The following CNGB3 variants were observed in gnomAD, a reference collection of about 807,000 sequenced individuals.
CNGB3 encodes the protein cyclic nucleotide gated channel subunit beta 3.
In CNGB3, 86 loss-of-function variants were observed where a neutral mutation model predicts 92.8. That is an observed-to-expected ratio of 0.93 (90% confidence interval 0.78 to 1.11). The LOEUF is 1.11. Ranked by LOEUF, CNGB3 falls within the 50% of genes least tolerant of loss-of-function variation. The pLI is 0.00. For missense variants in CNGB3, 1,026 were observed against 956.8 expected, an observed-to-expected ratio of 1.07 and a Z score of -0.95; for synonymous variants, 333 against 332.7, an observed-to-expected ratio of 1.00 and a Z score of -0.01.
intron 3 of CNGB3, among the ~76,000 whole-genome samples, chr8:86,720,587 G>A (rs1824946901): frequency 6.6e-6 from 1 of 152,050 alleles, no homozygotes; most frequent in South Asian, 2.1e-4. Flanking sequence ...AAAACAGTTT[G>A]GAGATTCCTT....
chr8:86,588,929 G>T (rs1019336992), intron 15 of CNGB3, among the ~76,000 whole-genome samples: 15 of 151,782 alleles, frequency 9.9e-5, no homozygotes, highest in African/African-American at 3.4e-4. Context: ...GTTCCTCCTT[G>T]TACCTCTGGT....
chr8:86,604,387 T>G (rs1585964315), intron 14 of CNGB3, among the ~76,000 whole-genome samples, 176 bp from the exon 15 acceptor site: 1 of 152,178 alleles, frequency 6.6e-6, no homozygotes, highest in East Asian at 1.9e-4. Context: ...GTTGAACATA[T>G]CATGTGAAAG....
Position 86,665,206 on chromosome 8 carries a change from C to A in CNGB3, c.852+1719G>T, listed in dbSNP as rs142644711. Reference sequence around the variant, plus strand: ...ATCATCAGAGGAATGCAAATCAAAACCACAATGAGATACCATCTCATACAA... The same window carrying A: ...ATCATCAGAGGAATGCAAATCAAAAACACAATGAGATACCATCTCATACAA... On this transcript the variant is annotated intron_variant, in intron 6 of 17. Coordinates refer to ENST00000320005, the MANE Select transcript of CNGB3 (RefSeq NM_019098.5). Among the ~76,000 whole-genome samples the A allele has an allele frequency of 3.0e-4, 45 of 152,120 alleles. No homozygotes were observed. In the Middle Eastern group the frequency reaches 0.01, roughly 34 times the overall value.
chr8:86,661,695 C>A (rs1056770322), intron 6 of CNGB3: 3 of 1,200,980 alleles, frequency 2.5e-6, no homozygotes, highest in Non-Finnish European at 3.7e-6. Context: ...TCTGAAGTCA[C>A]TTCTATTTTC....
At chr8:86,638,659 T>C (rs1823120517) in intron 10 of CNGB3, among the ~76,000 whole-genome samples, 1 of 152,158 alleles carries the variant, frequency 6.6e-6, no homozygotes, top group East Asian at 1.9e-4. Flanking sequence ...TCACTAATAT[T>C]TGTTGAATGA....
intron 6 of CNGB3, chr8:86,658,324 T>C: frequency 4.1e-6 from 2 of 482,472 alleles, no homozygotes; most frequent in South Asian, 1.9e-5. Context: ...ATGCTTGGCA[T>C]GAGCGGAAGC....
chr8:86,701,806 G>T (rs1022648426), intron 3 of CNGB3, among the ~76,000 whole-genome samples: 1 of 151,930 alleles, frequency 6.6e-6, no homozygotes. Context: ...CATTTGTTAC[G>T]AATTTTACCA....
chr8:86,694,799 G>A (rs1216698969), intron 3 of CNGB3, among the ~76,000 whole-genome samples: 1 of 150,570 alleles, frequency 6.6e-6, no homozygotes, highest in Non-Finnish European at 1.5e-5. Context: ...GGGCAGAGAC[G>A]CTCCTCACTT....
chr8:86,644,860 T>C (rs1392798657), intron 8 of CNGB3, among the ~76,000 whole-genome samples, 174 bp from the exon 9 acceptor site: 2 of 151,198 alleles, frequency 1.3e-5, no homozygotes, highest in Non-Finnish European at 3.0e-5. Flanking sequence ...TTTTATAGCA[T>C]GGTATTATAC....
chr8:86,604,316 G>A, intron 14 of CNGB3, 105 bp from the exon 15 acceptor site: 1 of 735,972 alleles, frequency 1.4e-6, no homozygotes. Flanking sequence ...ATAAATGAAG[G>A]AAGCAAAGAA....
chr8:86,667,002 T>C lies in CNGB3; in HGVS notation c.775A>G (p.Ile259Val), dbSNP rs764839662. The C allele has an allele frequency of 1.9e-6, 3 of 1,613,912 alleles. No individual in the cohort carries two copies. Among genetic ancestry groups the C allele is most frequent in the South Asian group, 1.1e-5 (1 of 91,052 alleles). ...NIHYWLIADIICDIIYLYDML... is the reference protein window; with the variant it reads ...NIHYWLIADIVCDIIYLYDML... ...TCATAAAGGTAGATGATATCACATA[T>C]GATGTCCGCAATAAGCCAGTAGTGT... The change falls in exon 6 of 18, where the codon ATA (isoleucine) becomes GTA (valine). Residue 259 changes from isoleucine to valine, a missense_variant. Ile to Val is a conservative substitution (Grantham distance 29). Transcript: ENST00000320005.
intron 15 of CNGB3, among the ~76,000 whole-genome samples, chr8:86,590,980 T>G (rs1822019663): frequency 6.6e-6 from 1 of 152,136 alleles, no homozygotes; most frequent in African/African-American, 2.4e-5. Context: ...GGTACACCAA[T>G]CAGACGTAGA....
intron 3 of CNGB3, among the ~76,000 whole-genome samples, chr8:86,694,575 T>A (rs1824406595): frequency 6.7e-6 from 1 of 148,782 alleles, no homozygotes; most frequent in East Asian, 2.1e-4. Context: ...GTCTCCTCAC[T>A]TCTCAGACGG....
chr8:86,584,664 C>A (rs1029466500), intron 15 of CNGB3, among the ~76,000 whole-genome samples: 1 of 152,042 alleles, frequency 6.6e-6, no homozygotes, highest in African/African-American at 2.4e-5. Context: ...TTCCCAGCCC[C>A]ACATAGAGTT....
In CNGB3 at chr8:86,647,957, G is replaced by A. The variant is rs184785776; in HGVS notation, c.904-70C>T. Reference sequence around the variant, plus strand: ...TTCTGGGAATGGATGGATTTACGCTGATGTCTGTAAAAGTTGACCAATCAC... The same window carrying A: ...TTCTGGGAATGGATGGATTTACGCTAATGTCTGTAAAAGTTGACCAATCAC... On this transcript the variant is annotated intron_variant, in intron 7 of 17. Transcript: ENST00000320005. 6 of 926,122 alleles carry A rather than the reference G, an allele frequency of 6.5e-6. No homozygotes were observed. In the East Asian group the frequency reaches 1.4e-4, roughly 22 times the overall value. 57.4% of individuals were successfully genotyped at this position (926,122 alleles called of 1,614,324 possible). A position where few individuals can be genotyped will look rare whatever the true frequency, so the allele number is the denominator to read the frequency against.
At chr8:86,720,532 C>G (rs934608365) in intron 3 of CNGB3, among the ~76,000 whole-genome samples, 1 of 151,986 alleles carries the variant, frequency 6.6e-6, no homozygotes, top group Admixed American at 6.6e-5. Context: ...TAAAAAGGAA[C>G]ACTTACACTG....
At chr8:86,638,604 C>T (rs2131590422) in intron 10 of CNGB3, among the ~76,000 whole-genome samples, 1 of 152,130 alleles carries the variant, frequency 6.6e-6, no homozygotes, top group Admixed American at 6.5e-5. Flanking sequence ...AATGTAAGTG[C>T]TACAAAGGTA....
intron 12 of CNGB3, among the ~76,000 whole-genome samples, chr8:86,626,467 C>A (rs989824698): frequency 6.6e-6 from 1 of 152,082 alleles, no homozygotes; most frequent in African/African-American, 2.4e-5. Context: ...CAAGGGATGG[C>A]AAATAATAAT....
chr8:86,632,927 T>C, intron 10 of CNGB3, 34 bp from the exon 11 acceptor site: 1 of 1,594,778 alleles, frequency 6.3e-7, no homozygotes, highest in South Asian at 1.1e-5. Context: ...TTTGCTTTTT[T>C]TCTATATCAT....
Sources: allele counts gnomAD v4.1 joint callset (sites outside exome capture counted in the v4.1 genomes callset), GRCh38; gene constraint gnomAD v4.1.1; transcripts MANE v1.5; gene names NCBI Gene and HGNC (gene_info 2026-07-23, HGNC 2026-07-21).